Variants in BCL2 observed in about 807,000 individuals in gnomAD.
BCL2 encodes BCL2 apoptosis regulator.
A neutral mutation model predicts 14.2 loss-of-function variants in BCL2; 1 was observed. The ratio of observed to expected loss-of-function variants is 0.07; its 90% CI spans 0.02 to 0.33. The LOEUF (loss-of-function observed/expected upper bound fraction) is 0.33, where lower values mean the gene tolerates loss of function less well. Ranked by LOEUF, BCL2 falls within the 10% of genes least tolerant of loss-of-function variation. BCL2 has a pLI of 0.99. For missense variants in BCL2, 247 were observed against 305.9 expected (o/e 0.81, Z 1.44); for synonymous variants, 151 against 137.2 (o/e 1.10, Z -0.70).
At chr18:63,251,362 C>T (rs1264971513) in intron 2 of BCL2, among the ~76,000 whole-genome samples, 1 of 152,106 alleles carries the variant, frequency 6.6e-6, no homozygotes, top group Non-Finnish European at 1.5e-5. Flanking sequence ...TCAACCATGA[C>T]TGTGTAACCT....
intron 2 of BCL2, among the ~76,000 whole-genome samples, chr18:63,309,108 G>A (rs986738599): frequency 6.6e-6 from 1 of 152,164 alleles, no homozygotes; most frequent in Non-Finnish European, 1.5e-5. Context: ...GAACAGCAAA[G>A]CTGCAGGTTA....
At position 63,126,762 on chromosome 18, in the gene BCL2, T is replaced by C; in HGVS notation, c.*1863A>G. 1 of 227,116 alleles carries C rather than the reference T, an allele frequency of 4.4e-6. No individual in the cohort carries two copies. 14.1% of individuals were successfully genotyped at this position (227,116 alleles called of 1,614,324 possible). ...ATCACCTTTGCTCACAAATAGTGTA[T>C]AGGCCATAACTAAATACAATTAAAA... On this transcript the variant is annotated 3_prime_UTR_variant, in exon 3 of 3. Coordinates refer to ENST00000333681, the MANE Select transcript of BCL2 (RefSeq NM_000633.3).
At chr18:63,268,572 T>C (rs994543899) in intron 2 of BCL2, among the ~76,000 whole-genome samples, 2 of 152,228 alleles carry the variant, frequency 1.3e-5, no homozygotes, top group Admixed American at 1.3e-4. Flanking sequence ...TCCTTCTGGC[T>C]CTAAAATTTT....
intron 2 of BCL2, among the ~76,000 whole-genome samples, chr18:63,229,325 C>T (rs1910628681): frequency 6.6e-6 from 1 of 151,964 alleles, no homozygotes; most frequent in Non-Finnish European, 1.5e-5. Flanking sequence ...AAATAGAATA[C>T]AGGAAAGTGG....
Position 63,187,264 on chromosome 18 carries a change from A to G in BCL2, c.586-58505T>C, listed in dbSNP as rs1047139063. 2.6e-5 allele frequency among the ~76,000 whole-genome samples: 4 copies of G among 152,168 alleles called. No homozygotes were observed. The East Asian group carries it at 5.8e-4, about 22-fold the overall frequency. On this transcript the variant is annotated intron_variant, in intron 2 of 2. Coordinates refer to ENST00000333681, the MANE Select transcript of BCL2 (RefSeq NM_000633.3). ...AGTAACAGAGCCATTTATTTTAGGA[A>G]TGTTTTTGTACCCTGGTAATCCTGA...
chr18:63,247,304 T>C, intron 2 of BCL2, among the ~76,000 whole-genome samples: 1 of 147,284 alleles, frequency 6.8e-6, no homozygotes, highest in Non-Finnish European at 1.5e-5. Context: ...GTTCAAGCAA[T>C]TCTCCTGCCT....
intron 2 of BCL2, among the ~76,000 whole-genome samples, chr18:63,190,800 C>T (rs1169369204): frequency 6.6e-6 from 1 of 152,038 alleles, no homozygotes; most frequent in Non-Finnish European, 1.5e-5. Flanking sequence ...TATCAACCAT[C>T]ACCTAGGTAT....
chr18:63,147,692 A>G (rs1461881913), intron 2 of BCL2, among the ~76,000 whole-genome samples: 1 of 152,210 alleles, frequency 6.6e-6, no homozygotes, highest in African/African-American at 2.4e-5. Flanking sequence ...ACATATTCCA[A>G]TAACACTGAG....
chr18:63,249,900 C>T (rs749908076), intron 2 of BCL2, among the ~76,000 whole-genome samples: 2 of 151,978 alleles, frequency 1.3e-5, no homozygotes, highest in Non-Finnish European at 2.9e-5. Flanking sequence ...GGAGCAGGCC[C>T]CCAGTGTGGA....
intron 2 of BCL2, among the ~76,000 whole-genome samples, chr18:63,142,375 G>T (rs1191443096): frequency 6.6e-6 from 1 of 152,228 alleles, no homozygotes; most frequent in Non-Finnish European, 1.5e-5. Flanking sequence ...TTTTCTGGAA[G>T]CTCCACACTG....
At chr18:63,173,704 G>A (rs1295846874) in intron 2 of BCL2, among the ~76,000 whole-genome samples, 1 of 152,182 alleles carries the variant, frequency 6.6e-6, no homozygotes, top group Non-Finnish European at 1.5e-5. Context: ...GTATGTCCAT[G>A]CAATATTTTT....
intron 2 of BCL2, among the ~76,000 whole-genome samples, chr18:63,223,467 CT>C (rs1279323581): frequency 1.3e-5 from 2 of 152,094 alleles, no homozygotes; most frequent in African/African-American, 4.8e-5. Context: ...TCCCTGGATC[CT>C]TTCCTTGAAT....
At chr18:63,242,495 G>C (rs1252349770) in intron 2 of BCL2, among the ~76,000 whole-genome samples, 1 of 152,212 alleles carries the variant, frequency 6.6e-6, no homozygotes, top group Non-Finnish European at 1.5e-5. Flanking sequence ...TAGCGTAGGT[G>C]AGCATTCCAT....
In BCL2 at chr18:63,272,048, T is replaced by A. The variant is rs567279372; in HGVS notation, c.585+46034A>T. On this transcript the variant is annotated intron_variant, in intron 2 of 2. Coordinates refer to ENST00000333681, the MANE Select transcript of BCL2 (RefSeq NM_000633.3). ...AGTTCATCCTGTTTTTAGGCTCTTT[T>A]TGGTGGAAACAAGAGTGCCACAAGC... Among the ~76,000 whole-genome samples, 4 of 152,336 alleles carry A rather than the reference T, an allele frequency of 2.6e-5. No individual in the cohort carries two copies. In the East Asian group the frequency reaches 7.7e-4, roughly 29 times the overall value.
intron 2 of BCL2, among the ~76,000 whole-genome samples, chr18:63,137,909 A>C (rs1914250802): frequency 6.6e-6 from 1 of 152,214 alleles, no homozygotes; most frequent in Non-Finnish European, 1.5e-5. Context: ...CCAGAGGTCA[A>C]AGGCTGTTTC....
intron 2 of BCL2, among the ~76,000 whole-genome samples, chr18:63,281,375 T>C (rs906561112): frequency 2.0e-5 from 3 of 152,048 alleles, no homozygotes; most frequent in African/African-American, 7.2e-5. Flanking sequence ...TAAAAAATAC[T>C]AACAATAGGC....
chr18:63,315,005 TC>T (rs1788735402), intron 2 of BCL2: 2 of 152,114 alleles, frequency 1.3e-5, no homozygotes, highest in African/African-American at 2.4e-5. Flanking sequence ...ACACTATAGA[TC>T]TTTAAGGCCA....
At chr18:63,168,861 T>A (rs1349576433) in intron 2 of BCL2, among the ~76,000 whole-genome samples, 3 of 152,202 alleles carry the variant, frequency 2.0e-5, no homozygotes, top group Non-Finnish European at 4.4e-5. Context: ...ACATTGCACT[T>A]TCCCTATTGG....
At chr18:63,209,871 C>G (rs866764503) in intron 2 of BCL2, among the ~76,000 whole-genome samples, 4 of 152,142 alleles carry the variant, frequency 2.6e-5, no homozygotes, top group African/African-American at 9.7e-5. Context: ...GGCCGTTTAA[C>G]AGGATCAAGA....
Sources: gnomAD v4.1 joint callset for allele counts (sites outside exome capture counted in the v4.1 genomes callset) on GRCh38, gnomAD v4.1.1 for gene constraint, MANE v1.5 for transcripts, NCBI Gene and HGNC (gene_info 2026-07-23, HGNC 2026-07-21) for gene names.